The following BACH2 variants were observed in gnomAD, a reference collection of about 807,000 sequenced individuals.
BACH2 encodes BACH transcriptional regulator 2, also known as transcription regulator protein BACH2.
Under a neutral mutation model 61.8 loss-of-function variants are expected in BACH2, and 5 were observed. The observed-to-expected ratio is 0.08, with a 90% CI of 0.04 to 0.17. BACH2 has a LOEUF of 0.17. BACH2 is among the 10% of genes least tolerant of loss of function. The pLI is 1.00. For missense variants in BACH2, 824 were observed against 1,091.1 expected (o/e 0.76, Z 3.45); for synonymous variants, 446 against 440.1 (o/e 1.01, Z -0.17).
intron 1 of BACH2, among the ~76,000 whole-genome samples, chr6:90,292,012 T>C (rs1383655225): frequency 1.3e-5 from 2 of 152,194 alleles, no homozygotes; most frequent in Non-Finnish European, 2.9e-5. Flanking sequence ...CTATCTGAAT[T>C]GCAGATTTTG....
chr6:90,029,943 T>C (rs1405189568), intron 5 of BACH2, among the ~76,000 whole-genome samples: 2 of 152,156 alleles, frequency 1.3e-5, no homozygotes, highest in African/African-American at 2.4e-5. Flanking sequence ...AAGGCTTAGA[T>C]TGACACAGTG....
intron 4 of BACH2, among the ~76,000 whole-genome samples, chr6:90,089,900 A>G (rs140636117): frequency 1.8e-4 from 28 of 152,290 alleles, no homozygotes; most frequent in African/African-American, 6.7e-4. Flanking sequence ...AAATAGATGC[A>G]TATTCTTATT....
At chr6:90,007,658 T>C (rs189047391) in intron 6 of BACH2, among the ~76,000 whole-genome samples, 148 of 152,342 alleles carry the variant, frequency 9.7e-4, no homozygotes, top group African/African-American at 3.5e-3. Flanking sequence ...ATGGGGTCTT[T>C]GGTTTCTCCT....
intron 5 of BACH2, among the ~76,000 whole-genome samples, chr6:90,084,987 T>C (rs1781871467): frequency 6.6e-6 from 1 of 152,058 alleles, no homozygotes. Context: ...CCCATAAAAC[T>C]GTTGATTGTT....
chr6:90,224,784 A>G (rs1769855085), intron 3 of BACH2, among the ~76,000 whole-genome samples: 1 of 152,198 alleles, frequency 6.6e-6, no homozygotes, highest in Non-Finnish European at 1.5e-5. Flanking sequence ...ATGTAAATGG[A>G]AGAACAACAA....
intron 5 of BACH2, among the ~76,000 whole-genome samples, chr6:90,051,030 C>T (rs1780019517): frequency 2.0e-5 from 3 of 151,938 alleles, no homozygotes; most frequent in Admixed American, 6.6e-5. Context: ...CCTCAGCCTC[C>T]CAAAGTGCTG....
At chr6:89,943,657 C>G (rs56238244) in intron 7 of BACH2, among the ~76,000 whole-genome samples, 26,525 of 152,090 alleles carry the variant, frequency 0.17, 2,395 homozygotes, top group East Asian at 0.26. Context: ...AGTGTCTCTG[C>G]TTTGCTGGGT....
intron 2 of BACH2, among the ~76,000 whole-genome samples, chr6:90,261,492 C>G (rs1771156023): frequency 6.6e-6 from 1 of 152,078 alleles, no homozygotes; most frequent in African/African-American, 2.4e-5. Flanking sequence ...CCACTAATTG[C>G]TCTTGCTAGG....
At chr6:90,281,989 A>C (rs1025867847) in intron 1 of BACH2, among the ~76,000 whole-genome samples, 1 of 151,968 alleles carries the variant, frequency 6.6e-6, no homozygotes, top group African/African-American at 2.4e-5. Flanking sequence ...GCCTCTCCAC[A>C]CCCTTCTATA....
chr6:90,293,323 G>A (rs1309681208), intron 1 of BACH2, among the ~76,000 whole-genome samples: 1 of 152,128 alleles, frequency 6.6e-6, no homozygotes, highest in African/African-American at 2.4e-5. Context: ...TAGAGTAGAG[G>A]GGCCAGGCAC....
At chr6:90,078,696 A>T (rs951322254) in intron 5 of BACH2, among the ~76,000 whole-genome samples, 2 of 152,104 alleles carry the variant, frequency 1.3e-5, no homozygotes, top group Admixed American at 1.3e-4. Context: ...GAATCCCCAC[A>T]ACCACCCTCT....
intron 6 of BACH2, among the ~76,000 whole-genome samples, chr6:89,969,426 T>A (rs557661901): frequency 6.6e-6 from 1 of 152,094 alleles, no homozygotes; most frequent in Non-Finnish European, 1.5e-5. Flanking sequence ...AGGAGAATAA[T>A]TGATGCTGAC....
At chr6:90,031,669 G>A (rs1323871588) in intron 5 of BACH2, among the ~76,000 whole-genome samples, 3 of 152,132 alleles carry the variant, frequency 2.0e-5, no homozygotes, top group African/African-American at 4.8e-5. Flanking sequence ...ACCTCTTCAA[G>A]GAGAACTACA....
intron 5 of BACH2, among the ~76,000 whole-genome samples, chr6:90,032,653 T>G (rs1460783480): frequency 6.6e-6 from 1 of 151,954 alleles, no homozygotes. Context: ...AAAACCACAA[T>G]GAGATACCAT....
intron 4 of BACH2, among the ~76,000 whole-genome samples, chr6:90,149,843 T>G (rs1232428423): frequency 6.6e-6 from 1 of 152,198 alleles, no homozygotes; most frequent in Non-Finnish European, 1.5e-5. Flanking sequence ...GCATTAACAG[T>G]GAGCTGCTGC....
At chr6:90,031,100 A>C (rs1778955135) in intron 5 of BACH2, among the ~76,000 whole-genome samples, 1 of 151,890 alleles carries the variant, frequency 6.6e-6, no homozygotes. Context: ...CCAATGACAA[A>C]AACCACATGA....
At position 89,940,868 on chromosome 6, in the gene BACH2, T is replaced by G. The variant is rs1773385764; in HGVS notation, c.1837-2518A>C. 1.3e-4 allele frequency among the ~76,000 whole-genome samples: 16 copies of G among 125,156 alleles called. No homozygotes were observed. In the South Asian group the frequency reaches 4.1e-3, roughly 32 times the overall value. 82.1% of individuals were successfully genotyped at this position (125,156 alleles called of 152,430 possible). On this transcript the variant is annotated intron_variant, in intron 7 of 8. Coordinates refer to ENST00000257749, the MANE Select transcript of BACH2 (RefSeq NM_021813.4). Reference sequence around the variant, plus strand: ...TAGTTTACAGTTTTTTTTTTTTTTGTGCTAAACTTTCCAAATCCAAAGCAC... The same window carrying G: ...TAGTTTACAGTTTTTTTTTTTTTTGGGCTAAACTTTCCAAATCCAAAGCAC...
chr6:89,939,212 T>G (rs1372455759), intron 7 of BACH2, among the ~76,000 whole-genome samples: 1 of 152,172 alleles, frequency 6.6e-6, no homozygotes, highest in African/African-American at 2.4e-5. Context: ...GAGGCCCATG[T>G]GGAGAGGGGC....
intron 1 of BACH2, among the ~76,000 whole-genome samples, chr6:90,276,633 GA>G (rs1771701834): frequency 6.6e-6 from 1 of 152,152 alleles, no homozygotes. Flanking sequence ...GTGAGAGAGA[GA>G]GGAAATTTCA....
Sources: gnomAD v4.1 joint callset for allele counts (sites outside exome capture counted in the v4.1 genomes callset) on GRCh38, gnomAD v4.1.1 for gene constraint, MANE v1.5 for transcripts, NCBI Gene and HGNC (gene_info 2026-07-23, HGNC 2026-07-21) for gene names.